The following RUBCN variants were observed in gnomAD, a reference collection of about 807,000 sequenced individuals.
RUBCN encodes the protein rubicon autophagy regulator.
In RUBCN, 74 loss-of-function variants were observed where a neutral mutation model predicts 113.2. That is an observed-to-expected ratio of 0.65 (90% CI 0.54 to 0.79). RUBCN has a LOEUF of 0.79. Ranked by LOEUF, RUBCN falls within the 30% of genes least tolerant of loss-of-function variation. The pLI is 0.00. For synonymous variants in RUBCN, 480 were observed against 490.0 expected, an observed-to-expected ratio of 0.98 and a Z score of 0.27; for missense variants, 1,109 against 1,251.7, an observed-to-expected ratio of 0.89 and a Z score of 1.72.
rs775954985 is a variant in RUBCN, at chr3:197,701,023, G to A, written c.851C>T (p.Ala284Val). Reference protein sequence around the residue: ...QAPPVSVSALARDSPLTPNEM... With the variant: ...QAPPVSVSALVRDSPLTPNEM... ...ATTTGGGGTCAAAGGGGAATCCCTG[G>A]CTAGTGCAGAGACTGAAACTGGGGG... is the stretch of plus-strand genomic sequence containing the variant. The change falls in exon 7 of 20, where the codon GCC becomes GTC. Residue 284 changes from alanine to valine, a missense_variant. By Grantham distance (64) the Ala-to-Val change is moderately conservative (BLOSUM62 0). Around this residue, in one of 3 missense-constraint regions of RUBCN, gnomAD observed 736 missense variants for 779.6 expected, o/e 0.94. Transcript: ENST00000296343. The A allele has an allele frequency of 6.2e-7, 1 of 1,614,148 alleles. No homozygotes were observed. The highest frequency in any genetic ancestry group is 8.5e-7 in the Non-Finnish European group (1 of 1,179,996).
At chr3:197,735,913 T>C (rs776175047) in intron 1 of RUBCN, among the ~76,000 whole-genome samples, 5 of 152,152 alleles carry the variant, frequency 3.3e-5, no homozygotes, top group Middle Eastern at 6.8e-3. Context: ...ATATTTTAAA[T>C]CCCCCAATTT....
intron 2 of RUBCN, among the ~76,000 whole-genome samples, chr3:197,714,142 G>A (rs1317870941): frequency 6.6e-6 from 1 of 152,074 alleles, no homozygotes; most frequent in African/African-American, 2.4e-5. Context: ...AGTTAATGGT[G>A]AAGCTGAGAT....
At position 197,675,210 on chromosome 3, in the gene RUBCN, G is replaced by T. The variant is rs770669579; in HGVS notation, c.2741-14C>A. On this transcript the variant is annotated splice_polypyrimidine_tract_variant and intron_variant, in intron 19 of 19. Coordinates refer to ENST00000296343, the MANE Select transcript of RUBCN (RefSeq NM_014687.4). This position sits in a 1 kb window ranked among gnomAD's most constrained non-coding sequence, Gnocchi z 4.4. ...ACGCTTTACACTCTACTCAGGTTGG[G>T]AAGGTGGGGGAGAGAAGAAAACAAT... 5.0e-6 allele frequency: 8 copies of T among 1,613,882 alleles called. No homozygotes were observed. Among genetic ancestry groups the T allele is most frequent in the Non-Finnish European group, 6.8e-6 (8 of 1,179,972 alleles).
chr3:197,708,324 T>C (rs1269286878), intron 2 of RUBCN, among the ~76,000 whole-genome samples: 10 of 151,790 alleles, frequency 6.6e-5, no homozygotes, highest in Admixed American at 6.6e-4. Context: ...TTAGTAGAGA[T>C]GGGGTTTCAC....
chr3:197,746,418 A>G (rs1728748292), intron 1 of RUBCN, among the ~76,000 whole-genome samples: 1 of 152,206 alleles, frequency 6.6e-6, no homozygotes, highest in South Asian at 2.1e-4. Context: ...GATCACTTAC[A>G]GGAAAAAGCA....
intron 1 of RUBCN, among the ~76,000 whole-genome samples, chr3:197,731,635 C>A (rs1727491503): frequency 6.6e-6 from 1 of 150,524 alleles, no homozygotes; most frequent in South Asian, 2.2e-4. Flanking sequence ...GACCCCCCCA[C>A]CTCCCTCCCG....
Position 197,736,642 on chromosome 3 carries a change from G to A in RUBCN, c.65+13C>T, listed in dbSNP as rs1282995571. The A allele has an allele frequency of 4.6e-6, 7 of 1,532,338 alleles. No homozygotes were observed. The highest frequency in any genetic ancestry group is 6.1e-6 in the Non-Finnish European group (7 of 1,146,008). The allele number at this position is 1,532,338 out of a possible 1,614,324, so 94.9% of individuals were successfully genotyped here. A position where few individuals can be genotyped will look rare whatever the true frequency, so the allele number is the denominator to read the frequency against. On this transcript the variant is annotated intron_variant, in intron 1 of 19. Coordinates refer to ENST00000296343, the MANE Select transcript of RUBCN (RefSeq NM_014687.4). ...CTGTCGCTGCCCCGACTCCGCGGCG[G>A]CTCCCAGCCCACCTGCTCTCCTCAG...
chr3:197,746,714 G>A (rs1728760131), intron 1 of RUBCN, among the ~76,000 whole-genome samples: 1 of 152,166 alleles, frequency 6.6e-6, no homozygotes, highest in Non-Finnish European at 1.5e-5. Context: ...AATCCTGGAG[G>A]TTGTTTTATC....
Position 197,702,430 on chromosome 3 carries a change from A to C in RUBCN, c.571-566T>G, listed in dbSNP as rs143116371. On this transcript the variant is annotated intron_variant, in intron 5 of 19. Coordinates refer to ENST00000296343, the MANE Select transcript of RUBCN (RefSeq NM_014687.4). Reference sequence around the variant, plus strand: ...GTAATCCCAGCACTTTGGGAGGCCAAGGCGGGCAAATCACTTGAGGTCAGG... The same window carrying C: ...GTAATCCCAGCACTTTGGGAGGCCACGGCGGGCAAATCACTTGAGGTCAGG... 3.8e-3 allele frequency among the ~76,000 whole-genome samples: 586 copies of C among 152,340 alleles called. 7 individuals are homozygous for C. Among genetic ancestry groups the C allele is most frequent in the African/African-American group, 0.013 (559 of 41,580 alleles).
intron 1 of RUBCN, among the ~76,000 whole-genome samples, chr3:197,730,461 A>G (rs1001277484): frequency 3.9e-5 from 6 of 152,128 alleles, no homozygotes; most frequent in Admixed American, 3.9e-4. Flanking sequence ...AGAATAGTCT[A>G]CCTGAGAATG....
intron 7 of RUBCN, among the ~76,000 whole-genome samples, chr3:197,699,675 T>C (rs1723420563): frequency 6.6e-6 from 1 of 152,126 alleles, no homozygotes; most frequent in African/African-American, 2.4e-5. Flanking sequence ...AATCACATTC[T>C]TGAGGGAAAA....
At chr3:197,719,371 G>C (rs13088360) in intron 1 of RUBCN, among the ~76,000 whole-genome samples, 1 of 151,594 alleles carries the variant, frequency 6.6e-6, no homozygotes, top group Non-Finnish European at 1.5e-5. Context: ...CCAGCTACTC[G>C]GGAGACTGAG....
At chr3:197,708,554 C>CAAA (rs113534449) in intron 2 of RUBCN, among the ~76,000 whole-genome samples, 33 of 74,528 alleles carry the variant, frequency 4.4e-4, no homozygotes, top group Admixed American at 7.6e-4. Flanking sequence ...GTGGTAGACT[C>CAAA]AAAAAAAAAA....
intron 1 of RUBCN, among the ~76,000 whole-genome samples, chr3:197,735,698 C>T (rs1728043524): frequency 6.6e-6 from 1 of 152,012 alleles, no homozygotes; most frequent in Non-Finnish European, 1.5e-5. Context: ...CTCAAGTGAT[C>T]CTCTCGCCTC....
chr3:197,749,142 T>C, intron 1 of RUBCN: 1 of 378,710 alleles, frequency 2.6e-6, no homozygotes, highest in Non-Finnish European at 3.7e-6. Flanking sequence ...AAAGTTATCA[T>C]GCAGGAATTC....
intron 2 of RUBCN, among the ~76,000 whole-genome samples, chr3:197,711,501 G>A (rs1291051801): frequency 1.3e-5 from 2 of 152,134 alleles, no homozygotes; most frequent in Non-Finnish European, 2.9e-5. Flanking sequence ...TGCAGGTATA[G>A]CAAAGAAAAT....
upstream of RUBCN, chr3:197,737,354 AAAC>A (rs1055648536): frequency 6.0e-5 from 9 of 150,664 alleles, no homozygotes; most frequent in Admixed American, 2.0e-4. Context: ...AAGCGCTCAC[AAAC>A]AAGAGCACAG....
chr3:197,694,488 T>C lies in RUBCN; in HGVS notation c.1571A>G (p.Glu524Gly). Residue 524 changes from glutamate (E) to glycine (G), a missense_variant, in exon 10 of 20, where the codon GAA becomes GGA. By Grantham distance (98) the Glu-to-Gly change is moderately conservative. Transcript: ENST00000296343. ...MSQCLEEEEV[E>G]EEDSDREIQE... The stretch of plus-strand genomic sequence containing the variant: ...GATCTCTCTATCACTGTCTTCCTCT[T>C]CCACTTCCTCCTCCTCTAGGCACTG... The C allele has an allele frequency of 6.2e-7, 1 of 1,614,178 alleles. No individual in the cohort carries two copies. Among genetic ancestry groups the C allele is most frequent in the East Asian group, 2.2e-5 (1 of 44,882 alleles).
rs915488079 is a variant in RUBCN at position 197,720,367 on chromosome 3, G to A, written c.66-2237C>T. Among the ~76,000 whole-genome samples the A allele has an allele frequency of 5.9e-5, 9 of 152,080 alleles. 1 individual carries two copies. The highest frequency in any genetic ancestry group is 4.6e-4 in the Admixed American group (7 of 15,272). ...AATTAAGGTTGAAGTGTATTCCATAGTGTATACACACCCCATTATCTTTAG... is the reference window on the plus strand; with the variant it reads ...AATTAAGGTTGAAGTGTATTCCATAATGTATACACACCCCATTATCTTTAG... On this transcript the variant is annotated intron_variant, in intron 1 of 19. Coordinates refer to ENST00000296343, the MANE Select transcript of RUBCN (RefSeq NM_014687.4).
Sources: allele counts gnomAD v4.1 joint callset (sites outside exome capture counted in the v4.1 genomes callset), GRCh38; gene constraint gnomAD v4.1.1; regional missense constraint gnomAD v4.1.1; non-coding constraint Gnocchi (gnomAD v3.1); transcripts MANE v1.5; gene names NCBI Gene and HGNC (gene_info 2026-07-23, HGNC 2026-07-21).